SLC19A1: variants seen among roughly 807,000 people sequenced by gnomAD.
SLC19A1 encodes reduced folate transporter.
Under a neutral mutation model 35.3 loss-of-function variants are expected in SLC19A1, and 37 were observed. The ratio of observed to expected loss-of-function variants is 1.05; its 90% CI spans 0.81 to 1.38. The LOEUF (loss-of-function observed/expected upper bound fraction) is 1.38. Among genes scored for constraint, SLC19A1 ranks in the 40% most tolerant of loss-of-function variants. The pLI, the probability that SLC19A1 is intolerant of heterozygous loss-of-function variation, is 0.00. For synonymous variants in SLC19A1, 460 were observed against 398.5 expected (o/e 1.15, Z -1.84); for missense variants, 831 against 826.9 (o/e 1.00, Z -0.06).
At chr21:45,512,453 A>C (rs1602669010), downstream of SLC19A1, 3 of 1,558,870 alleles carry the variant, frequency 1.9e-6, no homozygotes, top group East Asian at 2.3e-5. Flanking sequence ...GGAAGCCCCC[A>C]CCGTGGGCAG....
intron 3 of SLC19A1, chr21:45,504,988 C>T (rs953315837): frequency 5.9e-6 from 6 of 1,023,672 alleles, no homozygotes; most frequent in African/African-American, 4.8e-5. Flanking sequence ...GGGGGTTTCT[C>T]AGGCTATGGC....
chr21:45,535,454 G>T (rs1281180016), intron 2 of SLC19A1, among the ~76,000 whole-genome samples: 5 of 152,250 alleles, frequency 3.3e-5, no homozygotes, highest in Non-Finnish European at 5.9e-5. Flanking sequence ...AGCAACCACA[G>T]GGCTGCCAGG....
intron 5 of SLC19A1, among the ~76,000 whole-genome samples, chr21:45,522,111 A>G (rs532186406): frequency 1.8e-4 from 28 of 152,338 alleles, no homozygotes; most frequent in South Asian, 1.2e-3. Flanking sequence ...GAATACACAA[A>G]CCATGCTTAA....
At chr21:45,556,964 T>C (rs1195922807) in intron 1 of SLC19A1, among the ~76,000 whole-genome samples, 1 of 151,870 alleles carries the variant, frequency 6.6e-6, no homozygotes, top group African/African-American at 2.4e-5. Context: ...GCGACTCAGA[T>C]GCATGTGTCT....
At position 45,504,431 on chromosome 21, in the gene SLC19A1, C is replaced by T. The variant is rs753824908; in HGVS notation, c.498-5819G>A. On this transcript the variant is annotated intron_variant, in intron 3 of 4. Transcript: ENST00000417954. ...CCGTCCACAGGGGGAGAAGGGAGACCGAGGTGATGCAGGACAGAAAGGCGA... is the reference window on the plus strand; with the variant it reads ...CCGTCCACAGGGGGAGAAGGGAGACTGAGGTGATGCAGGACAGAAAGGCGA... The T allele has an allele frequency of 6.2e-6, 10 of 1,611,410 alleles. No individual in the cohort carries two copies. Among genetic ancestry groups the T allele is most frequent in the East Asian group, 2.2e-5 (1 of 44,858 alleles).
At chr21:45,508,406 AGATGAGTG>A (rs1416527474), downstream of SLC19A1, among the ~76,000 whole-genome samples, 9 of 131,390 alleles carry the variant, frequency 6.8e-5, no homozygotes, top group Admixed American at 6.8e-4. Context: ...GTGGATAGGT[AGATGAGTG>A]GATGAATGGG....
downstream of SLC19A1, chr21:45,509,939 G>A (rs966412795): frequency 7.0e-5 from 78 of 1,116,336 alleles, no homozygotes; most frequent in Non-Finnish European, 8.2e-5. Flanking sequence ...TCACTTGCGC[G>A]CCTCCCGCTC....
chr21:45,509,347 C>G (rs778256556), downstream of SLC19A1: 124 of 1,545,106 alleles, frequency 8.0e-5, 1 homozygote, highest in Non-Finnish European at 9.3e-5. Context: ...CCACGTCTCC[C>G]ACCTGCAGGA....
chr21:45,546,562 G>T (rs1262172593), upstream of SLC19A1, among the ~76,000 whole-genome samples: 1 of 152,254 alleles, frequency 6.6e-6, no homozygotes, highest in African/African-American at 2.4e-5. Context: ...CCTATAGCCA[G>T]ACTTTCACAA....
At chr21:45,551,719 T>C (rs1414840902) in intron 1 of SLC19A1, among the ~76,000 whole-genome samples, 1 of 152,238 alleles carries the variant, frequency 6.6e-6, no homozygotes, top group Non-Finnish European at 1.5e-5. Flanking sequence ...TTTAAACTTT[T>C]TCATGGGCTT....
chr21:45,509,088 A>C (rs1568949958), downstream of SLC19A1, among the ~76,000 whole-genome samples: 1 of 152,122 alleles, frequency 6.6e-6, no homozygotes. Flanking sequence ...AGGTCAGGGC[A>C]CGTGGTGAGT....
In SLC19A1 at chr21:45,531,483, G is replaced by C; in HGVS notation, c.855C>G (p.Val285=). Residue 285 remains valine, a synonymous_variant, in exon 3 of 6, where the codon GTC becomes GTG. Transcript: ENST00000311124. ...VFNSAGYYLV[V]YYVHILWNEV... ...CGTTCCACAGGATGTGCACGTAGTA[G>C]ACCACCAGGTAGTAGCCGGCCGAGT... 1 of 1,612,794 alleles carries C rather than the reference G, an allele frequency of 6.2e-7. No individual in the cohort carries two copies. Among genetic ancestry groups the C allele is most frequent in the Non-Finnish European group, 8.5e-7 (1 of 1,179,780 alleles).
In SLC19A1 at chr21:45,514,577, G is replaced by T; in HGVS notation, c.*1081C>A. The T allele has an allele frequency of 5.9e-6, 1 of 168,904 alleles. No individual in the cohort carries two copies. The highest frequency in any genetic ancestry group is 1.3e-5 in the Non-Finnish European group (1 of 79,382). The allele number at this position is 168,904 out of a possible 1,614,324, so 10.5% of individuals were successfully genotyped here. Reference sequence around the variant, plus strand: ...AGGGCCGTTGACTAGGGTTGTGGGGGTGCTCAGCTCATGGGCACCAAGGCC... The same window carrying T: ...AGGGCCGTTGACTAGGGTTGTGGGGTTGCTCAGCTCATGGGCACCAAGGCC... On this transcript the variant is annotated 3_prime_UTR_variant, in exon 6 of 6. Transcript: ENST00000311124.
At chr21:45,535,557 C>T (rs2078082436) in intron 2 of SLC19A1, among the ~76,000 whole-genome samples, 1 of 152,196 alleles carries the variant, frequency 6.6e-6, no homozygotes, top group African/African-American at 2.4e-5. Context: ...CGGCGCTCAG[C>T]AGCCCACCCG....
At chr21:45,505,390 G>A (rs1176444402) in intron 3 of SLC19A1, 1 of 1,577,066 alleles carries the variant, frequency 6.3e-7, no homozygotes, top group Admixed American at 1.7e-5. Flanking sequence ...GGGCCCCCCT[G>A]GGCCCCCTGG....
intron 1 of SLC19A1, among the ~76,000 whole-genome samples, chr21:45,552,154 C>G (rs1045367251): frequency 1.3e-5 from 2 of 152,148 alleles, no homozygotes; most frequent in African/African-American, 4.8e-5. Context: ...CAGGAGGAGA[C>G]AGTGATGACC....
downstream of SLC19A1, among the ~76,000 whole-genome samples, chr21:45,511,771 G>T (rs1171087764): frequency 1.1e-4 from 17 of 152,226 alleles, no homozygotes; most frequent in Admixed American, 1.1e-3. Flanking sequence ...TGCTGTAACG[G>T]AGATGCACCT....
At chr21:45,541,997 G>T (rs1432303102) in intron 1 of SLC19A1, among the ~76,000 whole-genome samples, 1 of 152,024 alleles carries the variant, frequency 6.6e-6, no homozygotes, top group Non-Finnish European at 1.5e-5. Context: ...CCGGGCCACC[G>T]CGACCCCCGC....
chr21:45,503,965 T>A, intron 3 of SLC19A1: 1 of 1,612,040 alleles, frequency 6.2e-7, no homozygotes, highest in Non-Finnish European at 8.5e-7. Context: ...AACCCGGCGC[T>A]GTCAGACACC....
Sources: allele counts gnomAD v4.1 joint callset (sites outside exome capture counted in the v4.1 genomes callset), GRCh38; gene constraint gnomAD v4.1.1; transcripts MANE v1.5; gene names NCBI Gene and HGNC (gene_info 2026-07-23, HGNC 2026-07-21).